CADM1: variants seen among roughly 807,000 people sequenced by gnomAD.
CADM1 encodes cell adhesion molecule 1.
A neutral mutation model predicts 53.1 loss-of-function variants in CADM1; 15 were observed. The ratio of observed to expected loss-of-function variants is 0.28; its 90% CI spans 0.19 to 0.44. The LOEUF is 0.44. Among genes scored for constraint, CADM1 ranks in the 20% least tolerant of loss-of-function variants. The pLI is 1.00. For synonymous variants in CADM1, 281 were observed against 243.0 expected (o/e 1.16, Z -1.45); for missense variants, 434 against 611.3 (o/e 0.71, Z 3.06).
intron 8 of CADM1, among the ~76,000 whole-genome samples, chr11:115,203,089 T>A (rs1940511721): frequency 6.6e-6 from 1 of 151,928 alleles, no homozygotes; most frequent in African/African-American, 2.4e-5. Context: ...CTTGTTAAAG[T>A]CACCTCCCCT....
chr11:115,187,432 TTTTA>T (rs748771720), intron 10 of CADM1, among the ~76,000 whole-genome samples: 4 of 152,282 alleles, frequency 2.6e-5, no homozygotes, highest in South Asian at 2.1e-4. Context: ...AGGTTTGTTA[TTTTA>T]TTTATTTTTT....
chr11:115,401,610 C>G (rs899715634), intron 1 of CADM1, among the ~76,000 whole-genome samples: 1 of 151,990 alleles, frequency 6.6e-6, no homozygotes, highest in Non-Finnish European at 1.5e-5. Context: ...TCCATCTCAG[C>G]AACAACAACA....
At chr11:115,277,934 G>C (rs1943487130) in intron 1 of CADM1, among the ~76,000 whole-genome samples, 1 of 152,054 alleles carries the variant, frequency 6.6e-6, no homozygotes, top group Non-Finnish European at 1.5e-5. Flanking sequence ...CTTAATACAA[G>C]ATTCATCCTC....
At chr11:115,181,126 C>T (rs1939290135) in intron 10 of CADM1, among the ~76,000 whole-genome samples, 1 of 142,732 alleles carries the variant, frequency 7.0e-6, no homozygotes. Flanking sequence ...AGACCGCCTC[C>T]TCTCCATGCC....
chr11:115,289,593 CTTTTT>C (rs56766047), intron 1 of CADM1, among the ~76,000 whole-genome samples: 6 of 109,032 alleles, frequency 5.5e-5, no homozygotes, highest in Non-Finnish European at 7.6e-5. Context: ...CTTTTTTTTT[CTTTTT>C]TTTTTTTTTT....
At chr11:115,354,108 G>A (rs1158730912) in intron 1 of CADM1, among the ~76,000 whole-genome samples, 1 of 151,902 alleles carries the variant, frequency 6.6e-6, no homozygotes, top group African/African-American at 2.4e-5. Flanking sequence ...TAAACAATAG[G>A]GAAAACAGTT....
chr11:115,211,602 C>T (rs1282474204), intron 7 of CADM1, among the ~76,000 whole-genome samples: 2 of 150,124 alleles, frequency 1.3e-5, no homozygotes, highest in Admixed American at 6.7e-5. Flanking sequence ...GCCTCAGCCT[C>T]CCGAGTAGCT....
At chr11:115,484,212 TG>T (rs1251132447) in intron 1 of CADM1, among the ~76,000 whole-genome samples, 2 of 152,192 alleles carry the variant, frequency 1.3e-5, no homozygotes, top group Non-Finnish European at 2.9e-5. Context: ...CTAACTAATA[TG>T]GGCTAAGGAA....
chr11:115,424,993 T>A (rs1250320742), intron 1 of CADM1, among the ~76,000 whole-genome samples: 2 of 152,172 alleles, frequency 1.3e-5, no homozygotes, highest in Non-Finnish European at 2.9e-5. Context: ...TTAAAGATCA[T>A]GACAATGCAC....
chr11:115,283,430 T>C (rs1943640117), intron 1 of CADM1, among the ~76,000 whole-genome samples: 1 of 152,052 alleles, frequency 6.6e-6, no homozygotes, highest in Non-Finnish European at 1.5e-5. Context: ...TTTCAAATTA[T>C]AGAAGGTATT....
intron 1 of CADM1, among the ~76,000 whole-genome samples, chr11:115,483,687 C>T (rs139866713): frequency 5.3e-5 from 8 of 152,196 alleles, no homozygotes; most frequent in Middle Eastern, 3.4e-3. Context: ...TTAAAAATAC[C>T]GATGAGCATG....
chr11:115,330,600 T>A (rs1185092211), intron 1 of CADM1, among the ~76,000 whole-genome samples: 1 of 152,158 alleles, frequency 6.6e-6, no homozygotes, highest in Non-Finnish European at 1.5e-5. Flanking sequence ...CTAAGTACTA[T>A]TCTGAGTGTT....
chr11:115,357,488 G>A (rs1027580770), intron 1 of CADM1, among the ~76,000 whole-genome samples: 1 of 152,060 alleles, frequency 6.6e-6, no homozygotes, highest in African/African-American at 2.4e-5. Flanking sequence ...GATGCCAAAG[G>A]GTCCAAGCGC....
intron 1 of CADM1, among the ~76,000 whole-genome samples, chr11:115,432,444 T>G (rs1321763313): frequency 2.6e-5 from 4 of 152,220 alleles, no homozygotes; most frequent in African/African-American, 9.7e-5. Flanking sequence ...TCAGCATTCC[T>G]TAGTGTTCTA....
chr11:115,473,147 A>G (rs1949052170), intron 1 of CADM1, among the ~76,000 whole-genome samples: 2 of 152,132 alleles, frequency 1.3e-5, no homozygotes, highest in African/African-American at 2.4e-5. Flanking sequence ...CCTTTTCCTC[A>G]TCAGTAATCT....
chr11:115,408,231 G>A (rs1454755573), intron 1 of CADM1, among the ~76,000 whole-genome samples: 2 of 152,066 alleles, frequency 1.3e-5, no homozygotes, highest in African/African-American at 2.4e-5. Flanking sequence ...ATGGAATGAC[G>A]TCCCCCTTAA....
At chr11:115,204,327 C>T (rs183317289) in intron 8 of CADM1, among the ~76,000 whole-genome samples, 150 of 152,294 alleles carry the variant, frequency 9.8e-4, no homozygotes, top group Admixed American at 1.6e-3. Flanking sequence ...TCAGCATCTG[C>T]GGCACCTTCT....
In CADM1 at chr11:115,502,187, T is replaced by C. The variant is rs565549398; in HGVS notation, c.124+2084A>G. Among the ~76,000 whole-genome samples, 242 of 152,260 alleles carry C rather than the reference T, an allele frequency of 1.6e-3. 1 individual carries two copies. Among genetic ancestry groups the C allele is most frequent in the Admixed American group, 3.0e-3 (46 of 15,286 alleles). On this transcript the variant is annotated intron_variant, in intron 1 of 11. Coordinates refer to ENST00000331581, the MANE Select transcript of CADM1 (RefSeq NM_001301043.2). ...ATAGTTACAAATATAGTACCGTTGCTACTACCCGGTGCCTTCAATGAGCAG... is the reference window on the plus strand; with the variant it reads ...ATAGTTACAAATATAGTACCGTTGCCACTACCCGGTGCCTTCAATGAGCAG...
intron 8 of CADM1, among the ~76,000 whole-genome samples, chr11:115,203,240 CA>C (rs1199019335): frequency 6.6e-6 from 1 of 152,172 alleles, no homozygotes; most frequent in East Asian, 1.9e-4. Context: ...TTTTCATTTG[CA>C]AACCAGATGT....
Sources: gnomAD v4.1 joint callset for allele counts (sites outside exome capture counted in the v4.1 genomes callset) on GRCh38, gnomAD v4.1.1 for gene constraint, MANE v1.5 for transcripts, NCBI Gene and HGNC (gene_info 2026-07-23, HGNC 2026-07-21) for gene names.